PGM5: variants seen among roughly 807,000 people sequenced by gnomAD.
The protein encoded by PGM5 is phosphoglucomutase-like protein 5.
In PGM5, 23 loss-of-function variants were observed where a neutral mutation model predicts 59.2. The ratio of observed to expected loss-of-function variants is 0.39; its 90% confidence interval spans 0.28 to 0.55. PGM5 has a LOEUF of 0.55. Ranked by LOEUF, PGM5 falls within the 20% of genes least tolerant of loss-of-function variation. The probability of loss-of-function intolerance (pLI) is 0.66; values close to 1 mark genes in which losing one functional copy is unlikely to be tolerated. For missense variants in PGM5, 574 were observed against 748.3 expected (o/e 0.77, Z 2.72); for synonymous variants, 214 against 286.0 (o/e 0.75, Z 2.54).
intron 10 of PGM5, among the ~76,000 whole-genome samples, chr9:68,529,118 G>A (rs1001873835): frequency 6.6e-6 from 1 of 150,756 alleles, no homozygotes; most frequent in African/African-American, 2.4e-5. Context: ...AGGATTGTGG[G>A]TTCTTTAAAT....
intron 6 of PGM5, among the ~76,000 whole-genome samples, chr9:68,433,720 A>G (rs1276545644): frequency 6.6e-6 from 1 of 152,230 alleles, no homozygotes; most frequent in Admixed American, 6.5e-5. Context: ...GTTCCAAGTC[A>G]GATAACAGCA....
At chr9:68,411,240 T>C (rs1587799491) in intron 6 of PGM5, among the ~76,000 whole-genome samples, 1 of 152,048 alleles carries the variant, frequency 6.6e-6, no homozygotes, top group East Asian at 1.9e-4. Flanking sequence ...CATTCATAGG[T>C]TATTTGCCCA....
At chr9:68,525,145 G>A (rs1824952338) in intron 10 of PGM5, among the ~76,000 whole-genome samples, 1 of 151,636 alleles carries the variant, frequency 6.6e-6, no homozygotes, top group South Asian at 2.1e-4. Flanking sequence ...GTGTATCAGA[G>A]GAGTGATTTC....
intron 7 of PGM5, among the ~76,000 whole-genome samples, chr9:68,468,507 G>A (rs1443780948): frequency 2.0e-5 from 3 of 152,046 alleles, no homozygotes; most frequent in African/African-American, 4.8e-5. Flanking sequence ...GCCATGTTAC[G>A]CTTTTAGTAA....
At chr9:68,478,011 C>T (rs1824133375) in intron 7 of PGM5, among the ~76,000 whole-genome samples, 2 of 152,368 alleles carry the variant, frequency 1.3e-5, no homozygotes, top group South Asian at 4.1e-4. Context: ...GAATTAATGA[C>T]TTTGTAATAA....
At chr9:68,375,695 A>C (rs1180514442) in intron 1 of PGM5, among the ~76,000 whole-genome samples, 6 of 152,268 alleles carry the variant, frequency 3.9e-5, no homozygotes, top group African/African-American at 1.4e-4. Context: ...AAAATAAATA[A>C]TATGGAAAAT....
intron 4 of PGM5, among the ~76,000 whole-genome samples, chr9:68,390,532 G>A (rs1344873475): frequency 6.6e-6 from 1 of 152,142 alleles, no homozygotes; most frequent in African/African-American, 2.4e-5. Flanking sequence ...CAGAGGAAGA[G>A]GAAATGTGTG....
intron 2 of PGM5, among the ~76,000 whole-genome samples, chr9:68,379,900 A>G (rs1822023415): frequency 6.6e-6 from 1 of 151,988 alleles, no homozygotes; most frequent in Non-Finnish European, 1.5e-5. Flanking sequence ...TATCAAGAGG[A>G]CATAACAATT....
chr9:68,433,632 A>C (rs182588216), intron 6 of PGM5, among the ~76,000 whole-genome samples: 1 of 152,276 alleles, frequency 6.6e-6, no homozygotes, highest in East Asian at 1.9e-4. Context: ...GTGTTTATGC[A>C]TGATCTTAAA....
At position 68,359,039 on chromosome 9, in the gene PGM5, C is replaced by A. The variant is rs368140040; in HGVS notation, c.261+1651C>A. Among the ~76,000 whole-genome samples, 5 of 152,054 alleles carry A rather than the reference C, an allele frequency of 3.3e-5. No homozygotes were observed. The East Asian group carries it at 9.6e-4, about 29-fold the overall frequency. On this transcript the variant is annotated intron_variant, in intron 1 of 10. Coordinates refer to ENST00000396396, the MANE Select transcript of PGM5 (RefSeq NM_021965.4). ...GGGAGCTCTCATACTTCTTCCCGAG[C>A]CAATTTTTTAGGGAGTGAGAGAAAC... is the stretch of plus-strand genomic sequence containing the variant.
In PGM5 at chr9:68,437,472, G is replaced by A. The variant is rs951373043; in HGVS notation, c.1044-27621G>A. On this transcript the variant is annotated intron_variant, in intron 6 of 10. Coordinates refer to ENST00000396396, the MANE Select transcript of PGM5 (RefSeq NM_021965.4). This position sits in a 1 kb window ranked among gnomAD's most constrained non-coding sequence, Gnocchi z 4.1. ...TTCAGATTGGTGTTGTGCTTTACACGATACTGTATTACAAAGCTGCTAAAC... is the reference window on the plus strand; with the variant it reads ...TTCAGATTGGTGTTGTGCTTTACACAATACTGTATTACAAAGCTGCTAAAC... Among the ~76,000 whole-genome samples the A allele has an allele frequency of 6.6e-6, 1 of 152,100 alleles. No homozygotes were observed. The highest frequency in any genetic ancestry group is 1.5e-5 in the Non-Finnish European group (1 of 68,032).
chr9:68,367,403 A>G (rs1159171796), intron 1 of PGM5, among the ~76,000 whole-genome samples: 1 of 152,140 alleles, frequency 6.6e-6, no homozygotes, highest in Non-Finnish European at 1.5e-5. Flanking sequence ...CATGTGAGAG[A>G]TTACTGAAAG....
intron 9 of PGM5, among the ~76,000 whole-genome samples, chr9:68,491,576 C>T (rs1824390199): frequency 6.6e-6 from 1 of 152,158 alleles, no homozygotes; most frequent in Admixed American, 6.5e-5. Context: ...ATGGCTTGTG[C>T]TAGGACATTT....
chr9:68,479,477 A>G lies in PGM5; in HGVS notation c.1219A>G (p.Ile407Val), dbSNP rs781857000. The G allele has an allele frequency of 7.4e-6, 12 of 1,613,664 alleles. No homozygotes were observed. The African/African-American group carries it at 1.3e-4, about 18-fold the overall frequency. The change falls in exon 8 of 11, where the codon ATT (isoleucine) becomes GTT (valine). Residue 407 changes from isoleucine to valine, a missense_variant. Ile to Val is a conservative substitution (Grantham distance 29, BLOSUM62 3). Transcript: ENST00000396396. Reference protein sequence around the residue: ...LWAVLVWLSIIAARKQSVEEI... With the variant: ...LWAVLVWLSIVAARKQSVEEI... ...GGCTGTCTTGGTCTGGCTCTCCATT[A>G]TTGCTGCCCGGAAGCAGAGTGTGGA...
intron 9 of PGM5, among the ~76,000 whole-genome samples, chr9:68,486,738 T>C (rs1279337991): frequency 2.0e-5 from 3 of 152,204 alleles, no homozygotes; most frequent in African/African-American, 7.2e-5. Flanking sequence ...TGGACATCCA[T>C]CTACAAGTTT....
Position 68,357,475 on chromosome 9 carries a change from T to C in PGM5, c.261+87T>C, listed in dbSNP as rs1834480455. 3.3e-6 allele frequency: 5 copies of C among 1,514,494 alleles called. No homozygotes were observed. The South Asian group carries it at 5.0e-5, about 15-fold the overall frequency. The allele number at this position is 1,514,494 out of a possible 1,614,324, so 93.8% of individuals were successfully genotyped here. A position where few individuals can be genotyped will look rare whatever the true frequency, so the allele number is the denominator to read the frequency against. ...GTCCCCCTGCTGCCTCCGGGCCCAGTTGGGAGGCCCCTGCCCGGCCCCGGC... is the reference window on the plus strand; with the variant it reads ...GTCCCCCTGCTGCCTCCGGGCCCAGCTGGGAGGCCCCTGCCCGGCCCCGGC... On this transcript the variant is annotated intron_variant, in intron 1 of 10. Transcript: ENST00000396396.
intron 6 of PGM5, among the ~76,000 whole-genome samples, chr9:68,410,060 C>G (rs1275685840): frequency 6.6e-6 from 1 of 152,174 alleles, no homozygotes; most frequent in Non-Finnish European, 1.5e-5. Flanking sequence ...CTCTGCCTCC[C>G]TAGTAGGATG....
chr9:68,438,370 T>C (rs772768548), intron 6 of PGM5, among the ~76,000 whole-genome samples: 3 of 150,774 alleles, frequency 2.0e-5, no homozygotes, highest in Non-Finnish European at 4.4e-5. Context: ...TTTTGAGACA[T>C]GACTGTCAAC....
chr9:68,430,292 T>C (rs1373656978), intron 6 of PGM5, among the ~76,000 whole-genome samples: 1 of 152,226 alleles, frequency 6.6e-6, no homozygotes, highest in Non-Finnish European at 1.5e-5. Flanking sequence ...TAAATTTTTA[T>C]GCCTGCAGTG....
Sources: allele counts gnomAD v4.1 joint callset (sites outside exome capture counted in the v4.1 genomes callset), GRCh38; gene constraint gnomAD v4.1.1; non-coding constraint Gnocchi (gnomAD v3.1); transcripts MANE v1.5; gene names NCBI Gene and HGNC (gene_info 2026-07-23, HGNC 2026-07-21).